Variants in PHACTR1 observed in about 807,000 individuals in gnomAD.
PHACTR1 encodes phosphatase and actin regulator 1.
In PHACTR1, 16 loss-of-function variants were observed where a neutral mutation model predicts 69.2. The observed-to-expected ratio is 0.23, with a 90% confidence interval of 0.16 to 0.35. The LOEUF (loss-of-function observed/expected upper bound fraction) is 0.35. Among genes scored for constraint, PHACTR1 ranks in the 10% least tolerant of loss-of-function variants. The probability of loss-of-function intolerance (pLI) is 1.00; values close to 1 mark genes in which losing one functional copy is unlikely to be tolerated. For synonymous variants in PHACTR1, 312 were observed against 284.5 expected, an observed-to-expected ratio of 1.10 and a Z score of -0.97; for missense variants, 510 against 734.7, an observed-to-expected ratio of 0.69 and a Z score of 3.54.
chr6:12,735,789 T>A (rs1764164668), intron 3 of PHACTR1, among the ~76,000 whole-genome samples: 1 of 152,236 alleles, frequency 6.6e-6, no homozygotes, highest in African/African-American at 2.4e-5. Context: ...CTTCAAGGTA[T>A]GGCTGTACAA....
chr6:12,782,985 A>G (rs190120147), intron 4 of PHACTR1, among the ~76,000 whole-genome samples: 10 of 152,378 alleles, frequency 6.6e-5, no homozygotes, highest in Admixed American at 4.6e-4. Flanking sequence ...ATGTTCAGTT[A>G]TGAATCTTCC....
intron 4 of PHACTR1, among the ~76,000 whole-genome samples, chr6:13,042,048 TAAG>T (rs1804266428): frequency 6.6e-6 from 1 of 152,210 alleles, no homozygotes; most frequent in African/African-American, 2.4e-5. Context: ...GTGATTAAAT[TAAG>T]TTTGGAAAAT....
chr6:12,999,558 C>T (rs1797843399), intron 4 of PHACTR1, among the ~76,000 whole-genome samples: 1 of 152,158 alleles, frequency 6.6e-6, no homozygotes, highest in African/African-American at 2.4e-5. Context: ...GAGACGGCGC[C>T]ACTGCACTCC....
rs1053927304 is a variant in PHACTR1, at chr6:13,060,980, T to C, written c.415+7451T>C. Among the ~76,000 whole-genome samples, 3 of 152,304 alleles carry C rather than the reference T, an allele frequency of 2.0e-5. No individual in the cohort carries two copies. The South Asian group carries it at 6.2e-4, about 32-fold the overall frequency. ...CTCCTGCAGTTCCAGAAATCTGAAG[T>C]CAAGGTGTTGGCAGGGTGGGTTCCT... On this transcript the variant is annotated intron_variant, in intron 5 of 14. Transcript: ENST00000332995.
At chr6:12,885,843 C>T (rs1295352289) in intron 4 of PHACTR1, among the ~76,000 whole-genome samples, 1 of 152,192 alleles carries the variant, frequency 6.6e-6, no homozygotes, top group African/African-American at 2.4e-5. Flanking sequence ...GCCTGTAATC[C>T]TGGCACTTTG....
chr6:12,858,624 T>A (rs1780638732), intron 4 of PHACTR1, among the ~76,000 whole-genome samples: 1 of 151,896 alleles, frequency 6.6e-6, no homozygotes, highest in Non-Finnish European at 1.5e-5. Context: ...GAGACCCCCA[T>A]CTCTACAAAA....
chr6:13,267,568 GC>G (rs1267563458), intron 10 of PHACTR1: 1 of 151,868 alleles, frequency 6.6e-6, no homozygotes, highest in Admixed American at 6.6e-5. Flanking sequence ...TCTAAGTCAC[GC>G]CCAACTTGCT....
intron 4 of PHACTR1, among the ~76,000 whole-genome samples, chr6:12,844,616 AC>A (rs1779022146): frequency 6.6e-6 from 1 of 152,070 alleles, no homozygotes; most frequent in Non-Finnish European, 1.5e-5. Flanking sequence ...GTGTTCAATA[AC>A]TGTTAGAATT....
intron 4 of PHACTR1, among the ~76,000 whole-genome samples, chr6:13,028,249 A>G (rs1444303801): frequency 6.6e-6 from 1 of 152,212 alleles, no homozygotes; most frequent in African/African-American, 2.4e-5. Context: ...GACTGACTAC[A>G]TTCCCACTTG....
At chr6:12,894,759 T>C (rs1467523304) in intron 4 of PHACTR1, among the ~76,000 whole-genome samples, 1 of 152,166 alleles carries the variant, frequency 6.6e-6, no homozygotes, top group Non-Finnish European at 1.5e-5. Context: ...GAATCGAATG[T>C]CTATTTTATA....
intron 4 of PHACTR1, among the ~76,000 whole-genome samples, chr6:12,828,655 G>T (rs1043634488): frequency 6.6e-6 from 1 of 151,792 alleles, no homozygotes; most frequent in African/African-American, 2.4e-5. Context: ...GTTTCCCTCT[G>T]TTTCTTTATC....
chr6:12,851,526 T>C (rs1779826025), intron 4 of PHACTR1, among the ~76,000 whole-genome samples: 1 of 152,134 alleles, frequency 6.6e-6, no homozygotes, highest in South Asian at 2.1e-4. Flanking sequence ...TTCCATTTTA[T>C]CCTTAATTAC....
At chr6:13,021,129 A>C (rs1201827159) in intron 4 of PHACTR1, among the ~76,000 whole-genome samples, 2 of 152,232 alleles carry the variant, frequency 1.3e-5, no homozygotes, top group Non-Finnish European at 2.9e-5. Context: ...ACACCTAAAA[A>C]GCAACTCTGT....
At chr6:13,134,577 C>G (rs897277826) in intron 5 of PHACTR1, among the ~76,000 whole-genome samples, 15 of 152,136 alleles carry the variant, frequency 9.9e-5, no homozygotes, top group South Asian at 4.2e-4. Flanking sequence ...CTTTGTTAAA[C>G]AGATGCTTGA....
intron 4 of PHACTR1, among the ~76,000 whole-genome samples, chr6:12,856,091 G>T (rs1254018669): frequency 3.3e-5 from 5 of 152,052 alleles, no homozygotes; most frequent in Admixed American, 3.3e-4. Flanking sequence ...GCAAGCAGTG[G>T]AAAAGCTCAG....
intron 4 of PHACTR1, among the ~76,000 whole-genome samples, chr6:12,940,651 A>T (rs563464754): frequency 1.1e-4 from 16 of 152,342 alleles, no homozygotes; most frequent in Admixed American, 1.0e-3. Flanking sequence ...TGTCCTACAT[A>T]CATCTCATCC....
rs1459150796 is a variant in PHACTR1, at chr6:13,278,432, TCTC to T, written c.1509+109_1509+111del. On this transcript the variant is annotated intron_variant, in intron 12 of 14. Transcript: ENST00000332995. ...AGTGGCCTCACCGCTGCCTGGTTCCTCTCCTCCTGTGTCAGAGAGTGCCACTCT... is the reference window on the plus strand; with the variant it reads ...AGTGGCCTCACCGCTGCCTGGTTCCTCTCCTGTGTCAGAGAGTGCCACTCT... 1.3e-5 allele frequency: 13 copies of T among 1,004,296 alleles called. No homozygotes were observed. In the African/African-American group the frequency reaches 1.5e-4, roughly 11 times the overall value. The allele number at this position is 1,004,296 out of a possible 1,614,324, so 62.2% of individuals were successfully genotyped here. A position where few individuals can be genotyped will look rare whatever the true frequency, so the allele number is the denominator to read the frequency against.
intron 4 of PHACTR1, among the ~76,000 whole-genome samples, chr6:12,807,589 G>T (rs548343948): frequency 6.6e-6 from 1 of 152,290 alleles, no homozygotes; most frequent in Non-Finnish European, 1.5e-5. Flanking sequence ...AGACTGTTTT[G>T]TTTAGAACGG....
At chr6:12,753,267 G>A (rs1481597716) in intron 4 of PHACTR1, among the ~76,000 whole-genome samples, 1 of 152,194 alleles carries the variant, frequency 6.6e-6, no homozygotes, top group Non-Finnish European at 1.5e-5. Flanking sequence ...TGCAGTCAGT[G>A]CAATGAAGAG....
Sources: allele counts gnomAD v4.1 joint callset (sites outside exome capture counted in the v4.1 genomes callset), GRCh38; gene constraint gnomAD v4.1.1; transcripts MANE v1.5; gene names NCBI Gene and HGNC (gene_info 2026-07-23, HGNC 2026-07-21).